PLEKHH2: variants seen among roughly 807,000 people sequenced by gnomAD.
PLEKHH2 encodes pleckstrin homology, MyTH4 and FERM domain containing H2.
In PLEKHH2, 129 loss-of-function variants were observed where a neutral mutation model predicts 187.9. The ratio of observed to expected loss-of-function variants is 0.69; its 90% CI spans 0.59 to 0.79. The LOEUF is 0.79. Among genes scored for constraint, PLEKHH2 ranks in the 30% least tolerant of loss-of-function variants. The probability of loss-of-function intolerance (pLI) is 0.00; values close to 1 mark genes in which losing one functional copy is unlikely to be tolerated. For missense variants in PLEKHH2, 2,076 were observed against 1,751.2 expected (o/e 1.19, Z -3.31); for synonymous variants, 686 against 605.6 (o/e 1.13, Z -1.95).
intron 2 of PLEKHH2, among the ~76,000 whole-genome samples, chr2:43,647,840 C>T (rs1484895337): frequency 3.3e-5 from 5 of 152,084 alleles, no homozygotes; most frequent in African/African-American, 1.2e-4. Context: ...GAATTGTGGC[C>T]AACTTCTCTT....
At position 43,759,036 on chromosome 2, in the gene PLEKHH2, A is replaced by C; in HGVS notation, c.4071+7A>C. On this transcript the variant is annotated splice_region_variant and intron_variant, in intron 27 of 29. Transcript: ENST00000282406. ...CAAGTTGTTTCTTGCAAAAGTAAGA[A>C]AGAATGGGAGAGAGATGCATAATGA... 2 of 1,611,558 alleles carry C rather than the reference A, an allele frequency of 1.2e-6. No homozygotes were observed. The highest frequency in any genetic ancestry group is 1.7e-6 in the Non-Finnish European group (2 of 1,178,130).
chr2:43,671,585 T>C (rs1157769666), intron 2 of PLEKHH2, among the ~76,000 whole-genome samples: 1 of 152,218 alleles, frequency 6.6e-6, no homozygotes, highest in Non-Finnish European at 1.5e-5. Context: ...ATGATGTTAG[T>C]TATAGGTTTT....
intron 7 of PLEKHH2, among the ~76,000 whole-genome samples, chr2:43,698,509 A>G (rs1467261785): frequency 6.6e-6 from 1 of 152,116 alleles, no homozygotes; most frequent in Non-Finnish European, 1.5e-5. Flanking sequence ...TGGCCTCCCA[A>G]AAGTGCTGGA....
chr2:43,762,403 G>A lies in PLEKHH2; in HGVS notation c.4158+13G>A, dbSNP rs752751997. 3 of 1,582,342 alleles carry A rather than the reference G, an allele frequency of 1.9e-6. No homozygotes were observed. The highest frequency in any genetic ancestry group is 2.6e-6 in the Non-Finnish European group (3 of 1,151,534). On this transcript the variant is annotated intron_variant, in intron 28 of 29. Transcript: ENST00000282406. ...ATACAACTCCATGGTAAGTTTAAAC[G>A]CTCAAGTTTTGCATTAAGTCAACTG...
chr2:43,758,787 G>C, intron 26 of PLEKHH2, 113 bp from the exon 27 acceptor site: 1 of 842,094 alleles, frequency 1.2e-6, no homozygotes, highest in Non-Finnish European at 1.7e-6. Context: ...TTATGCCTAG[G>C]GATCACAGTT....
intron 28 of PLEKHH2, among the ~76,000 whole-genome samples, chr2:43,763,575 A>G (rs1421649308): frequency 6.9e-6 from 1 of 144,404 alleles, no homozygotes. Context: ...ATGTACTACC[A>G]TGCCCGGCTA....
chr2:43,686,139 C>G lies in PLEKHH2; in HGVS notation c.187-6375C>G, dbSNP rs891569947. Among the ~76,000 whole-genome samples the G allele has an allele frequency of 3.9e-5, 6 of 151,946 alleles. No individual in the cohort carries two copies. The East Asian group carries it at 1.2e-3, about 29-fold the overall frequency. On this transcript the variant is annotated intron_variant, in intron 3 of 29. Transcript: ENST00000282406. ...CTTCCTCTTCTTCTTCCTTCTCCTT[C>G]TTTTTCTTCTTCCTTCTTCCTCTTC... is the stretch of plus-strand genomic sequence containing the variant.
At chr2:43,676,751 T>C (rs1390844681) in intron 2 of PLEKHH2, among the ~76,000 whole-genome samples, 2 of 152,154 alleles carry the variant, frequency 1.3e-5, no homozygotes, top group Admixed American at 1.3e-4. Context: ...AAAATTCTCC[T>C]TATAATATTC....
chr2:43,637,509 C>G (rs932006503), intron 1 of PLEKHH2, 130 bp downstream of exon 1: 2 of 152,488 alleles, frequency 1.3e-5, no homozygotes, highest in African/African-American at 4.8e-5. Flanking sequence ...AGCGGGAAGG[C>G]GGGGACGAGA....
At chr2:43,681,006 A>G in intron 3 of PLEKHH2, 1 of 1,242,732 alleles carries the variant, frequency 8.0e-7, no homozygotes. Context: ...CCAACTGGAA[A>G]AGTCACCTGT....
chr2:43,720,845 C>T (rs1391436637), intron 16 of PLEKHH2, 96 bp downstream of exon 16: 3 of 1,482,452 alleles, frequency 2.0e-6, no homozygotes, highest in Non-Finnish European at 2.7e-6. Context: ...TGTAAAACTT[C>T]AGAATCTTTA....
At chr2:43,724,423 T>A (rs1445852005) in intron 16 of PLEKHH2, among the ~76,000 whole-genome samples, 1 of 152,212 alleles carries the variant, frequency 6.6e-6, no homozygotes, top group Admixed American at 6.5e-5. Context: ...ATAAATCTGA[T>A]GCAGACCGTG....
intron 2 of PLEKHH2, among the ~76,000 whole-genome samples, chr2:43,673,915 GC>G (rs1667604798): frequency 6.6e-6 from 1 of 152,050 alleles, no homozygotes; most frequent in Non-Finnish European, 1.5e-5. Context: ...GCCTGATTGC[GC>G]CTTCAAGACA....
intron 3 of PLEKHH2, among the ~76,000 whole-genome samples, chr2:43,691,501 G>A (rs530619925): frequency 6.6e-6 from 1 of 152,270 alleles, no homozygotes; most frequent in African/African-American, 2.4e-5. Context: ...TGAAGGATGG[G>A]ATCAATCGAA....
chr2:43,747,341 A>G (rs1002234508), intron 24 of PLEKHH2, among the ~76,000 whole-genome samples: 1 of 152,044 alleles, frequency 6.6e-6, no homozygotes, highest in Non-Finnish European at 1.5e-5. Context: ...GTGAGGGCAC[A>G]CAACAGTGAG....
chr2:43,692,768 T>C, intron 4 of PLEKHH2, 105 bp downstream of exon 4: 1 of 1,271,520 alleles, frequency 7.9e-7, no homozygotes, highest in South Asian at 1.4e-5. Flanking sequence ...GGGAGAAATA[T>C]TGCTTATTCG....
At position 43,700,123 on chromosome 2, in the gene PLEKHH2, A is replaced by C. The variant is rs1232212170; in HGVS notation, c.1165A>C (p.Lys389Gln). Residue 389 changes from lysine (K) to glutamine (Q), a missense_variant, in exon 8 of 30, where the codon AAA becomes CAA. Physicochemically the swap from Lys to Gln is moderately conservative, Grantham distance 53. Coordinates refer to ENST00000282406, the MANE Select transcript of PLEKHH2 (RefSeq NM_172069.4). ...TAGTTCCTCGGATGAACTGAATAAA[A>C]AATTTCAATCCCAGAGACTCGATTA... is the stretch of plus-strand genomic sequence containing the variant. ...QDSSSDELNKKFQSQRLDYSS... is the reference protein window; with the variant it reads ...QDSSSDELNKQFQSQRLDYSS... 4.3e-6 allele frequency: 7 copies of C among 1,614,082 alleles called. No individual in the cohort carries two copies. The highest frequency in any genetic ancestry group is 5.9e-6 in the Non-Finnish European group (7 of 1,180,042).
At chr2:43,641,726 C>G (rs1451371393) in intron 1 of PLEKHH2, among the ~76,000 whole-genome samples, 1 of 152,142 alleles carries the variant, frequency 6.6e-6, no homozygotes, top group Non-Finnish European at 1.5e-5. Flanking sequence ...ATCCAGTTGT[C>G]CCAGCATCAT....
In PLEKHH2 at chr2:43,706,312, T is replaced by C; in HGVS notation, c.1727-10T>C. On this transcript the variant is annotated splice_polypyrimidine_tract_variant and intron_variant, in intron 9 of 29. Coordinates refer to ENST00000282406, the MANE Select transcript of PLEKHH2 (RefSeq NM_172069.4). ...TTTTTAAAATGTTGTTTCCTGTTTTTCTGTTTCAGATTCTGCTGCAACCCT... is the reference window on the plus strand; with the variant it reads ...TTTTTAAAATGTTGTTTCCTGTTTTCCTGTTTCAGATTCTGCTGCAACCCT... 6.4e-7 allele frequency: 1 copy of C among 1,573,162 alleles called. No individual in the cohort carries two copies. The highest frequency in any genetic ancestry group is 8.7e-7 in the Non-Finnish European group (1 of 1,145,486).
Sources: gnomAD v4.1 joint callset for allele counts (sites outside exome capture counted in the v4.1 genomes callset) on GRCh38, gnomAD v4.1.1 for gene constraint, MANE v1.5 for transcripts, NCBI Gene and HGNC (gene_info 2026-07-23, HGNC 2026-07-21) for gene names.